The following USP9X variants were observed in gnomAD, a reference collection of about 807,000 sequenced individuals.
The protein encoded by USP9X is ubiquitin specific peptidase 9 X-linked, also known as ubiquitin carboxyl-terminal hydrolase 9X.
USP9X carries 7 observed loss-of-function variants against 190.3 expected under a neutral mutation model. The ratio of observed to expected loss-of-function variants is 0.04; its 90% CI spans 0.02 to 0.07. The LOEUF is 0.07. Among genes scored for constraint, USP9X ranks in the 10% least tolerant of loss-of-function variants. USP9X has a pLI of 1.00. For synonymous variants in USP9X, 645 were observed against 659.5 expected (o/e 0.98, Z 0.34); for missense variants, 1,010 against 1,916.9 (o/e 0.53, Z 8.83).
In USP9X at chrX:41,232,816, T is replaced by TC; in HGVS notation, c.*292_*293insC. 7.9e-6 allele frequency: 1 copy of TC among 126,356 alleles called. No individual in the cohort carries two copies. Among genetic ancestry groups the TC allele is most frequent in the Non-Finnish European group, 1.6e-5 (1 of 64,508 alleles). The allele number at this position is 126,356 out of a possible 1,213,427, so 10.4% of individuals were successfully genotyped here. A position where few individuals can be genotyped will look rare whatever the true frequency, so the allele number is the denominator to read the frequency against. ...ATTCTTAAGCAAGAAACTTTTTTCT[T>TC]GATGAGACTCACAGATCTACACAAA... On this transcript the variant is annotated 3_prime_UTR_variant, in exon 45 of 45. Coordinates refer to ENST00000378308, the MANE Select transcript of USP9X (RefSeq NM_001039591.3).
intron 2 of USP9X, among the ~76,000 whole-genome samples, chrX:41,125,672 ACACACACACACACTCTCTCTCTCTCTCT>A (rs2062235251): frequency 2.1e-5 from 1 of 48,662 alleles, no homozygotes; most frequent in Admixed American, 3.2e-4. Context: ...ACACACACAC[ACACACACACACACTCTCTCTCTCTCTCT>A]CTCTCTCTCT....
At chrX:41,151,097 T>G (rs747628545) in intron 13 of USP9X, 40 bp downstream of exon 13, 3 of 1,138,288 alleles carry the variant, frequency 2.6e-6, no homozygotes, top group South Asian at 2.1e-5. Context: ...TACTTAAAAT[T>G]TATGTACTTT....
chrX:41,131,487 A>G lies in USP9X; in HGVS notation c.273A>G (p.Lys91=). ...GATGGGTGGTTCCAGTTTTGCCGAA[A>G]GGGGAATTAGAAGTGCTTTTAGAAG... ...RPRWVVPVLP[K]GELEVLLEAA... The change falls in exon 4 of 45, where the codon AAA becomes AAG. Residue 91 remains lysine (K), a synonymous_variant. Coordinates refer to ENST00000378308, the MANE Select transcript of USP9X (RefSeq NM_001039591.3). 1 of 1,209,212 alleles carries G rather than the reference A, an allele frequency of 8.3e-7. No homozygotes were observed. Among genetic ancestry groups the G allele is most frequent in the Non-Finnish European group, 1.1e-6 (1 of 894,149 alleles).
intron 15 of USP9X, 91 bp from the exon 16 acceptor site, chrX:41,165,781 T>C: frequency 1.5e-6 from 1 of 668,377 alleles, no homozygotes; most frequent in Middle Eastern, 4.0e-4. Flanking sequence ...TAAAATATAA[T>C]GGTGATAAAT....
At chrX:41,093,732 T>C (rs1490944046) in intron 1 of USP9X, among the ~76,000 whole-genome samples, 1 of 112,108 alleles carries the variant, frequency 8.9e-6, no homozygotes, top group Non-Finnish European at 1.9e-5. Context: ...TGCTCATTGG[T>C]TAGGTTAGTT....
At chrX:41,117,357 A>G (rs192719891) in intron 1 of USP9X, among the ~76,000 whole-genome samples, 151 of 111,564 alleles carry the variant, frequency 1.4e-3, no homozygotes, top group African/African-American at 4.7e-3. Flanking sequence ...GACTTTTGCC[A>G]GATATTTCTG....
intron 6 of USP9X, among the ~76,000 whole-genome samples, chrX:41,140,276 GCTT>G (rs981815416): frequency 6.2e-5 from 7 of 112,129 alleles, no homozygotes; most frequent in South Asian, 3.7e-4. Context: ...TTACCAAGTA[GCTT>G]CTTCTTAACT....
chrX:41,096,931 A>C (rs1212005350), intron 1 of USP9X, among the ~76,000 whole-genome samples: 3 of 112,620 alleles, frequency 2.7e-5, no homozygotes, highest in Middle Eastern at 9.2e-3. Flanking sequence ...GAAATTGTCA[A>C]GTAAAGGAAA....
chrX:41,160,771 A>G (rs754408506), intron 14 of USP9X, among the ~76,000 whole-genome samples: 12 of 112,342 alleles, frequency 1.1e-4, no homozygotes, highest in Non-Finnish European at 1.9e-4. Context: ...AAAAAGGTCA[A>G]AGAACACAAA....
chrX:41,133,082 A>G (rs912200892), intron 4 of USP9X, among the ~76,000 whole-genome samples: 14 of 111,996 alleles, frequency 1.3e-4, no homozygotes, highest in South Asian at 7.3e-4. Flanking sequence ...CACTATCACA[A>G]TTGAAACTGA....
rs918605093 is a variant in USP9X, at chrX:41,194,545, ACT to A, written c.3978-1703_3978-1702del. ...CACCAGCCTGGGCAACAAGAGCGAA[ACT>A]CTGTGTCAATAAATAAATAAAAATA... On this transcript the variant is annotated intron_variant, in intron 26 of 44. Coordinates refer to ENST00000378308, the MANE Select transcript of USP9X (RefSeq NM_001039591.3). Among the ~76,000 whole-genome samples, 3 of 110,367 alleles carry A rather than the reference ACT, an allele frequency of 2.7e-5. No individual in the cohort carries two copies. In the Admixed American group the frequency reaches 2.9e-4, roughly 11 times the overall value.
At chrX:41,153,458 C>CTTTTATAATGTTA (rs2062548261) in intron 14 of USP9X, among the ~76,000 whole-genome samples, 1 of 112,063 alleles carries the variant, frequency 8.9e-6, no homozygotes, top group African/African-American at 3.2e-5. Context: ...TTTTATAATG[C>CTTTTATAATGTTA]CAAGCCTATG....
intron 1 of USP9X, among the ~76,000 whole-genome samples, chrX:41,114,115 G>A (rs748225288): frequency 8.9e-6 from 1 of 112,631 alleles, no homozygotes; most frequent in East Asian, 2.8e-4. Context: ...CATCTCTCCA[G>A]TAAATGGTCT....
At chrX:41,208,988 G>T (rs987671993) in intron 32 of USP9X, among the ~76,000 whole-genome samples, 1 of 111,513 alleles carries the variant, frequency 9.0e-6, no homozygotes, top group African/African-American at 3.3e-5. Flanking sequence ...GATTACAGGC[G>T]TGAGCCACCG....
intron 9 of USP9X, among the ~76,000 whole-genome samples, chrX:41,142,135 T>G (rs750092262): frequency 9.0e-6 from 1 of 110,874 alleles, no homozygotes; most frequent in East Asian, 2.8e-4. Context: ...TGCTTAGATA[T>G]TGCCCTGTGT....
At chrX:41,137,093 C>G in intron 6 of USP9X, 71 bp downstream of exon 6, 1 of 982,605 alleles carries the variant, frequency 1.0e-6, no homozygotes, top group Non-Finnish European at 1.4e-6. Context: ...CTTCAGTGAT[C>G]TGTATTTAAA....
chrX:41,132,698 C>T (rs2062333494), intron 4 of USP9X, among the ~76,000 whole-genome samples: 1 of 110,295 alleles, frequency 9.1e-6, no homozygotes, highest in Non-Finnish European at 1.9e-5. Context: ...ATCCTCCCAC[C>T]TTGGCCTTCC....
chrX:41,115,350 G>A (rs1338887691), intron 1 of USP9X, among the ~76,000 whole-genome samples: 3 of 111,565 alleles, frequency 2.7e-5, no homozygotes, highest in African/African-American at 9.8e-5. Flanking sequence ...ATATTTTAAT[G>A]GAAAAACAAG....
At chrX:41,214,385 G>A (rs1316712232) in intron 33 of USP9X, among the ~76,000 whole-genome samples, 183 bp from the exon 34 acceptor site, 7 of 111,090 alleles carry the variant, frequency 6.3e-5, no homozygotes, top group South Asian at 3.7e-4. Context: ...AATGGCAAAT[G>A]TATGGGTGCA....
Sources: allele counts gnomAD v4.1 joint callset (sites outside exome capture counted in the v4.1 genomes callset), GRCh38; gene constraint gnomAD v4.1.1; transcripts MANE v1.5; gene names NCBI Gene and HGNC (gene_info 2026-07-23, HGNC 2026-07-21).